The following ZNF678 variants were observed in gnomAD, a reference collection of about 807,000 sequenced individuals.
ZNF678 encodes hypothetical protein MGC42493.
In ZNF678, 5 loss-of-function variants were observed where a neutral mutation model predicts 3.0. The observed-to-expected ratio is 1.69, with a 90% CI of 0.88 to 3.56. The LOEUF (loss-of-function observed/expected upper bound fraction) is 3.56, where lower values mean the gene tolerates loss of function less well. Among genes scored for constraint, ZNF678 ranks in the 30% most tolerant of loss-of-function variants. The pLI is 0.00. For synonymous variants in ZNF678, 218 were observed against 199.6 expected (o/e 1.09, Z -0.78); for missense variants, 593 against 605.0 (o/e 0.98, Z 0.21).
chr1:227,654,455 GACTGGAGA>G lies in ZNF678; in HGVS notation c.210_217del (p.Trp70CysfsTer3), dbSNP rs1488609410. On this transcript the variant is annotated frameshift_variant, in exon 4 of 4. Coordinates refer to ENST00000343776, the MANE Select transcript of ZNF678 (RefSeq NM_001367909.1). LOFTEE classifies it low-confidence loss of function (END_TRUNC). ...CCTTGACAATTTGCACTTAGTGAAA[GACTGGAGA>G]ACTGTGAATGAAGGTAAGGGGCAGA... 6.2e-7 allele frequency: 1 copy of G among 1,613,216 alleles called. No individual in the cohort carries two copies. The highest frequency in any genetic ancestry group is 1.1e-5 in the South Asian group (1 of 91,014).
chr1:227,642,315 C>T (rs1369870569), intron 1 of ZNF678, among the ~76,000 whole-genome samples: 1 of 152,094 alleles, frequency 6.6e-6, no homozygotes, highest in African/African-American at 2.4e-5. Context: ...TGCAGTTGTG[C>T]GAATAGCAAA....
intron 1 of ZNF678, among the ~76,000 whole-genome samples, chr1:227,565,845 C>T (rs1461703852): frequency 6.6e-6 from 1 of 152,142 alleles, no homozygotes; most frequent in Non-Finnish European, 1.5e-5. Context: ...CTGCAAGCTC[C>T]GCCTCCCGTG....
chr1:227,570,736 T>C (rs1656818237), intron 1 of ZNF678, among the ~76,000 whole-genome samples: 1 of 152,180 alleles, frequency 6.6e-6, no homozygotes, highest in Admixed American at 6.5e-5. Context: ...ATCTTGATAA[T>C]GTCACTGTCT....
intron 5 of ZNF678, among the ~76,000 whole-genome samples, chr1:227,675,718 G>A (rs1295784738): frequency 6.6e-6 from 1 of 152,034 alleles, no homozygotes; most frequent in East Asian, 1.9e-4. Flanking sequence ...ATATCCTGGG[G>A]GGGTGGGGAA....
At chr1:227,598,624 T>C in intron 1 of ZNF678, 4 of 583,660 alleles carry the variant, frequency 6.9e-6, no homozygotes, top group Non-Finnish European at 1.2e-5. Flanking sequence ...GAATTTATCG[T>C]TCTCTTTTTG....
Position 227,651,067 on chromosome 1 carries a change from G to A in ZNF678, c.76G>A (p.Val26Ile). The A allele has an allele frequency of 6.2e-7, 1 of 1,613,478 alleles. No homozygotes were observed. Among genetic ancestry groups the A allele is most frequent in the Non-Finnish European group, 8.5e-7 (1 of 1,179,690 alleles). The change falls in exon 3 of 4, where the codon GTT becomes ATT. Residue 26 changes from valine (V) to isoleucine (I), a missense_variant. Transcript: ENST00000343776. ...ANTSTSFYKL[V>I]YTAILSYSIQ... ...CACCTCTACCAGTTTTTATAAACTG[G>A]TTTATACAGGTAAAGATTTTATCCT...
In ZNF678 at chr1:227,654,710, AAATGTGACG is replaced by A. The variant is rs1659175347; in HGVS notation, c.467_475del (p.Asp156_Cys158del). On this transcript the variant is annotated inframe_deletion, in exon 4 of 4. Coordinates refer to ENST00000343776, the MANE Select transcript of ZNF678 (RefSeq NM_001367909.1). ...AATTCATACTGGAGAGAAACCCTAC[AAATGTGACG>A]AATGTGGCAAAGTTTTTAATTGGTG... is the stretch of plus-strand genomic sequence containing the variant. 1 of 1,613,188 alleles carries A rather than the reference AAATGTGACG, an allele frequency of 6.2e-7. No individual in the cohort carries two copies.
In ZNF678 at chr1:227,655,942, A is replaced by G. The variant is rs1027719898; in HGVS notation, c.*114A>G. On this transcript the variant is annotated 3_prime_UTR_variant, in exon 4 of 4. Transcript: ENST00000343776. ...TGTAAGCTTCAGAGTGCACAACACT[A>G]TACTGAATGAAATTTATAAATATAA... is the stretch of plus-strand genomic sequence containing the variant. 6 of 733,408 alleles carry G rather than the reference A, an allele frequency of 8.2e-6. No individual in the cohort carries two copies. In the South Asian group the frequency reaches 1.6e-4, roughly 20 times the overall value. The allele number at this position is 733,408 out of a possible 1,614,324, so 45.4% of individuals were successfully genotyped here. A position where few individuals can be genotyped will look rare whatever the true frequency, so the allele number is the denominator to read the frequency against.
rs987960925 is a variant in ZNF678 at position 227,615,053 on chromosome 1, C to T, written c.-163-31491C>T. On this transcript the variant is annotated intron_variant, in intron 1 of 3. Coordinates refer to ENST00000343776, the MANE Select transcript of ZNF678 (RefSeq NM_001367909.1). ...TGGGCAGGAGGATTTATACAGAAAACAGAAACGGAACTATAGTACAGAAAC... is the reference window on the plus strand; with the variant it reads ...TGGGCAGGAGGATTTATACAGAAAATAGAAACGGAACTATAGTACAGAAAC... Among the ~76,000 whole-genome samples, 16 of 152,180 alleles carry T rather than the reference C, an allele frequency of 1.1e-4. 1 individual carries two copies. Among genetic ancestry groups the T allele is most frequent in the African/African-American group, 2.4e-5 (1 of 41,452 alleles).
chr1:227,594,391 C>A (rs1657507155), intron 1 of ZNF678, among the ~76,000 whole-genome samples: 1 of 152,050 alleles, frequency 6.6e-6, no homozygotes, highest in Non-Finnish European at 1.5e-5. Flanking sequence ...CTCTTTTTAA[C>A]CTTTCATAAT....
intron 1 of ZNF678, among the ~76,000 whole-genome samples, chr1:227,600,175 A>G (rs1657700362): frequency 6.6e-6 from 1 of 152,148 alleles, no homozygotes; most frequent in South Asian, 2.1e-4. Flanking sequence ...ATTACATGGC[A>G]TATAGGTACC....
intron 1 of ZNF678, among the ~76,000 whole-genome samples, chr1:227,611,599 T>C (rs1216782322): frequency 1.3e-5 from 2 of 152,204 alleles, no homozygotes; most frequent in African/African-American, 2.4e-5. Flanking sequence ...CAGTGGTTAG[T>C]CCAGGAGGCT....
intron 1 of ZNF678, among the ~76,000 whole-genome samples, chr1:227,620,166 C>A (rs573534036): frequency 2.0e-5 from 3 of 152,028 alleles, no homozygotes; most frequent in Non-Finnish European, 4.4e-5. Context: ...AGTGAGCCAC[C>A]CTGGGCTACA....
chr1:227,571,509 G>A (rs1656839928), intron 1 of ZNF678, among the ~76,000 whole-genome samples: 1 of 152,132 alleles, frequency 6.6e-6, no homozygotes, highest in Admixed American at 6.5e-5. Context: ...TACAGTTTAT[G>A]TCAATTTGCA....
chr1:227,619,725 A>G (rs997143828), intron 1 of ZNF678, among the ~76,000 whole-genome samples: 1 of 151,798 alleles, frequency 6.6e-6, no homozygotes, highest in Non-Finnish European at 1.5e-5. Context: ...GTTAGCCAGG[A>G]TGGTCTCGAT....
At chr1:227,643,406 C>G (rs897447542) in intron 1 of ZNF678, among the ~76,000 whole-genome samples, 1 of 152,164 alleles carries the variant, frequency 6.6e-6, no homozygotes, top group African/African-American at 2.4e-5. Context: ...AAAGACGTAA[C>G]TGAAAATAAG....
At chr1:227,595,280 T>C (rs904227675) in intron 1 of ZNF678, among the ~76,000 whole-genome samples, 2 of 151,848 alleles carry the variant, frequency 1.3e-5, no homozygotes, top group Non-Finnish European at 2.9e-5. Context: ...TCTCTCTCTC[T>C]CTCTCTCTCA....
intron 1 of ZNF678, among the ~76,000 whole-genome samples, chr1:227,625,563 C>T (rs1571895904): frequency 1.3e-5 from 2 of 152,228 alleles, no homozygotes; most frequent in African/African-American, 4.8e-5. Flanking sequence ...GTTAAAGATA[C>T]AGGGATTGAA....
chr1:227,588,443 C>T (rs981284958), intron 1 of ZNF678, among the ~76,000 whole-genome samples: 2 of 151,866 alleles, frequency 1.3e-5, no homozygotes, highest in Admixed American at 6.6e-5. Flanking sequence ...ATTACACTCC[C>T]ACCAACAGTG....
Sources: gnomAD v4.1 joint callset for allele counts (sites outside exome capture counted in the v4.1 genomes callset) on GRCh38, gnomAD v4.1.1 for gene constraint, MANE v1.5 for transcripts, NCBI Gene and HGNC (gene_info 2026-07-23, HGNC 2026-07-21) for gene names.